DARS1: variants seen among roughly 807,000 people sequenced by gnomAD.
DARS1 encodes the protein aspartate--tRNA ligase, cytoplasmic.
DARS1 carries 51 observed loss-of-function variants against 68.8 expected under a neutral mutation model. That is an observed-to-expected ratio of 0.74 (90% CI 0.59 to 0.94). The LOEUF is 0.94. Among genes scored for constraint, DARS1 ranks in the 40% least tolerant of loss-of-function variants. The probability of loss-of-function intolerance (pLI) is 0.00; values close to 1 mark genes in which losing one functional copy is unlikely to be tolerated. For missense variants in DARS1, 607 were observed against 597.3 expected (o/e 1.02, Z -0.17); for synonymous variants, 203 against 190.4 (o/e 1.07, Z -0.55).
At chr2:135,915,505 C>T (rs572546137) in intron 11 of DARS1, among the ~76,000 whole-genome samples, 54 of 152,096 alleles carry the variant, frequency 3.6e-4, no homozygotes, top group African/African-American at 1.3e-3. Flanking sequence ...CCAGGCTGGT[C>T]CCGAAATCCT....
chr2:135,931,221 A>C (rs1371219307), intron 7 of DARS1, among the ~76,000 whole-genome samples: 2 of 152,086 alleles, frequency 1.3e-5, no homozygotes, highest in Non-Finnish European at 2.9e-5. Context: ...CTAGTTGGGG[A>C]CTAAATTAGA....
At chr2:135,912,366 G>A (rs1036966258) in intron 13 of DARS1, 120 bp downstream of exon 13, 14 of 502,714 alleles carry the variant, frequency 2.8e-5, no homozygotes, top group African/African-American at 2.0e-4. Context: ...ATGGTAATAC[G>A]TATGTCTATC....
intron 3 of DARS1, among the ~76,000 whole-genome samples, chr2:135,977,864 T>A (rs1682533978): frequency 6.6e-6 from 1 of 151,948 alleles, no homozygotes; most frequent in African/African-American, 2.4e-5. Context: ...CTCTATCGGC[T>A]GGGTGCAGTG....
chr2:135,981,915 A>T (rs1682641033), intron 2 of DARS1, among the ~76,000 whole-genome samples: 1 of 152,058 alleles, frequency 6.6e-6, no homozygotes, highest in Admixed American at 6.6e-5. Context: ...GATCCTCCCA[A>T]CTCAGTCTCT....
At chr2:135,968,566 C>T (rs1192397300) in intron 3 of DARS1, among the ~76,000 whole-genome samples, 1 of 151,880 alleles carries the variant, frequency 6.6e-6, no homozygotes, top group Non-Finnish European at 1.5e-5. Context: ...TAATGCCACT[C>T]CTGTGATAAT....
At chr2:135,942,493 A>C (rs1396218469) in intron 5 of DARS1, among the ~76,000 whole-genome samples, 1 of 108,998 alleles carries the variant, frequency 9.2e-6, no homozygotes, top group Non-Finnish European at 1.7e-5. Flanking sequence ...ATCACACATC[A>C]GGGCCTGTAG....
intron 13 of DARS1, 141 bp downstream of exon 13, chr2:135,912,345 G>A (rs1056057097): frequency 6.7e-6 from 3 of 446,960 alleles, no homozygotes; most frequent in Admixed American, 3.9e-5. Flanking sequence ...GACCAGTGGT[G>A]ACAGACATCA....
chr2:135,924,678 A>C (rs1465125430), intron 7 of DARS1, among the ~76,000 whole-genome samples, 180 bp from the exon 8 acceptor site: 1 of 152,254 alleles, frequency 6.6e-6, no homozygotes, highest in Non-Finnish European at 1.5e-5. Context: ...GCTGGAATAC[A>C]ATGACTATAT....
At chr2:135,942,332 G>T (rs536817501) in intron 5 of DARS1, among the ~76,000 whole-genome samples, 66 of 152,068 alleles carry the variant, frequency 4.3e-4, no homozygotes, top group African/African-American at 1.6e-3. Context: ...CCATAAAAAA[G>T]GATGAGTTCA....
At chr2:135,957,228 C>T (rs1475864999) in intron 4 of DARS1, among the ~76,000 whole-genome samples, 1 of 150,894 alleles carries the variant, frequency 6.6e-6, no homozygotes, top group South Asian at 2.1e-4. Flanking sequence ...CCATATCCTA[C>T]TAATTTTTTT....
intron 3 of DARS1, among the ~76,000 whole-genome samples, chr2:135,977,592 T>A (rs942362095): frequency 3.9e-5 from 6 of 152,216 alleles, no homozygotes; most frequent in African/African-American, 7.2e-5. Flanking sequence ...AGGATTATAA[T>A]ACAATGTGAC....
Position 135,924,617 on chromosome 2 carries a change from T to C in DARS1, c.565-119A>G, listed in dbSNP as rs541201690. The C allele has an allele frequency of 2.0e-5, 28 of 1,406,794 alleles. No homozygotes were observed. In the Admixed American group the frequency reaches 5.6e-4, roughly 28 times the overall value. 87.1% of individuals were successfully genotyped at this position (1,406,794 alleles called of 1,614,324 possible). On this transcript the variant is annotated intron_variant, in intron 7 of 15. Transcript: ENST00000264161. ...TGCTTTCAACATTTTTAAATTCTAA[T>C]AATTGGAGAGAAGACGAAAGGACAC...
chr2:135,952,416 G>A (rs1320421269), intron 4 of DARS1, among the ~76,000 whole-genome samples: 1 of 152,092 alleles, frequency 6.6e-6, no homozygotes, highest in Non-Finnish European at 1.5e-5. Context: ...TCCTTGTGGT[G>A]AGAACTTCCC....
At chr2:135,953,926 A>AT (rs1014748803) in intron 4 of DARS1, among the ~76,000 whole-genome samples, 114 of 146,100 alleles carry the variant, frequency 7.8e-4, no homozygotes, top group Middle Eastern at 3.5e-3. Flanking sequence ...TATTTATTTA[A>AT]TTTTTTTTTT....
chr2:135,923,434 C>T (rs1199305766), intron 8 of DARS1, among the ~76,000 whole-genome samples: 2 of 151,982 alleles, frequency 1.3e-5, no homozygotes, highest in African/African-American at 4.8e-5. Context: ...GGACTACAGG[C>T]GTCAACCACC....
intron 11 of DARS1, among the ~76,000 whole-genome samples, chr2:135,915,227 G>C (rs189102235): frequency 1.8e-3 from 279 of 152,118 alleles, no homozygotes; most frequent in Admixed American, 4.4e-3. Flanking sequence ...TGGTTTAAAG[G>C]AATCATTCAA....
At chr2:135,922,583 ATATTATTATTAC>A (rs1681127254) in intron 9 of DARS1, among the ~76,000 whole-genome samples, 189 bp downstream of exon 9, 1 of 152,214 alleles carries the variant, frequency 6.6e-6, no homozygotes, top group Admixed American at 6.5e-5. Context: ...ACTATTGACC[ATATTATTATTAC>A]TATTACTTTT....
chr2:135,981,795 T>C (rs1682638710), intron 2 of DARS1, among the ~76,000 whole-genome samples: 2 of 151,688 alleles, frequency 1.3e-5, no homozygotes, highest in Admixed American at 6.6e-5. Flanking sequence ...GCCTCCTGAG[T>C]AGCTGGGATA....
intron 7 of DARS1, among the ~76,000 whole-genome samples, chr2:135,925,929 C>T (rs1447227361): frequency 6.6e-6 from 1 of 152,108 alleles, no homozygotes; most frequent in Non-Finnish European, 1.5e-5. Flanking sequence ...ATTTTATTGC[C>T]GCTTGCCTCT....
Sources: gnomAD v4.1 joint callset for allele counts (sites outside exome capture counted in the v4.1 genomes callset) on GRCh38, gnomAD v4.1.1 for gene constraint, MANE v1.5 for transcripts, NCBI Gene and HGNC (gene_info 2026-07-23, HGNC 2026-07-21) for gene names.